UTP20: variants seen among roughly 807,000 people sequenced by gnomAD.
The protein encoded by UTP20 is small subunit processome component 20 homolog.
Under a neutral mutation model 329.5 loss-of-function variants are expected in UTP20, and 164 were observed. That is an observed-to-expected ratio of 0.50 (90% CI 0.44 to 0.57). The LOEUF (loss-of-function observed/expected upper bound fraction) is 0.57. Among genes scored for constraint, UTP20 ranks in the 20% least tolerant of loss-of-function variants. UTP20 has a pLI of 0.00. For synonymous variants in UTP20, 1,151 were observed against 1,159.3 expected, an observed-to-expected ratio of 0.99 and a Z score of 0.14; for missense variants, 3,055 against 3,284.2, an observed-to-expected ratio of 0.93 and a Z score of 1.71.
chr12:101,362,394 C>T (rs936485820), intron 44 of UTP20, among the ~76,000 whole-genome samples: 4 of 152,210 alleles, frequency 2.6e-5, no homozygotes, highest in East Asian at 3.9e-4. Flanking sequence ...ATAATACAGT[C>T]GGAAATTAAT....
chr12:101,371,466 G>A (rs1049970549), intron 51 of UTP20, among the ~76,000 whole-genome samples: 19 of 151,896 alleles, frequency 1.3e-4, no homozygotes, highest in Non-Finnish European at 2.5e-4. Context: ...GAATTGAGGG[G>A]TGGGGAGCCA....
chr12:101,362,521 T>C (rs1179660508), intron 44 of UTP20, among the ~76,000 whole-genome samples: 1 of 145,250 alleles, frequency 6.9e-6, no homozygotes, highest in African/African-American at 2.8e-5. Flanking sequence ...CTGGCCAACA[T>C]GGTGAAACCC....
At chr12:101,362,121 C>A in intron 44 of UTP20, 61 bp downstream of exon 44, 3 of 1,171,104 alleles carry the variant, frequency 2.6e-6, no homozygotes, top group South Asian at 2.6e-5. Context: ...ACAAAAAAAT[C>A]AATTCACCAA....
chr12:101,383,372 T>G (rs186575686), intron 59 of UTP20, 59 bp downstream of exon 59: 42 of 1,508,186 alleles, frequency 2.8e-5, no homozygotes, highest in Non-Finnish European at 3.2e-5. Flanking sequence ...AGTATTTTAA[T>G]GATATTAGTG....
intron 29 of UTP20, 23 bp downstream of exon 29, chr12:101,334,527 C>A: frequency 6.3e-7 from 1 of 1,592,848 alleles, no homozygotes. Context: ...TTTTTTCCTT[C>A]TTTAAAAAGG....
At chr12:101,339,696 C>A (rs1429352651) in intron 31 of UTP20, among the ~76,000 whole-genome samples, 3 of 152,074 alleles carry the variant, frequency 2.0e-5, no homozygotes, top group Non-Finnish European at 4.4e-5. Context: ...GTTAAAGAGT[C>A]TGTTTGGCAG....
chr12:101,290,729 A>G lies in UTP20; in HGVS notation c.736-4A>G. On this transcript the variant is annotated splice_polypyrimidine_tract_variant and splice_region_variant and intron_variant, in intron 7 of 61. Coordinates refer to ENST00000261637, the MANE Select transcript of UTP20 (RefSeq NM_014503.3). ...ATTAATGTTAATGACTTGTATTCCCACAGGCAGTGAAGCTAATTTTGCGAA... is the reference window on the plus strand; with the variant it reads ...ATTAATGTTAATGACTTGTATTCCCGCAGGCAGTGAAGCTAATTTTGCGAA... The G allele has an allele frequency of 6.2e-7, 1 of 1,604,304 alleles. No individual in the cohort carries two copies. Among genetic ancestry groups the G allele is most frequent in the Non-Finnish European group, 8.5e-7 (1 of 1,177,272 alleles).
chr12:101,304,364 A>G (rs138667347), intron 15 of UTP20, among the ~76,000 whole-genome samples: 86 of 152,324 alleles, frequency 5.6e-4, no homozygotes, highest in African/African-American at 1.9e-3. Flanking sequence ...TAGAAATCTC[A>G]CCTTGTAGAG....
At chr12:101,370,657 A>G in intron 50 of UTP20, 94 bp downstream of exon 50, 1 of 1,309,508 alleles carries the variant, frequency 7.6e-7, no homozygotes, top group South Asian at 1.6e-5. Flanking sequence ...CTAGTCATAG[A>G]CTTCTGAAAT....
intron 46 of UTP20, among the ~76,000 whole-genome samples, chr12:101,366,297 G>T (rs907072814): frequency 2.0e-5 from 3 of 152,100 alleles, no homozygotes; most frequent in Non-Finnish European, 4.4e-5. Context: ...AGAGAGACTC[G>T]TTGGCATTTA....
chr12:101,369,075 A>G (rs773985627), intron 48 of UTP20, among the ~76,000 whole-genome samples: 9 of 152,310 alleles, frequency 5.9e-5, no homozygotes, highest in South Asian at 2.1e-4. Flanking sequence ...ATGATAGTCA[A>G]TTGTTCCCGT....
Position 101,352,829 on chromosome 12 carries a change from A to T in UTP20, c.5025-218A>T, listed in dbSNP as rs192625623. Among the ~76,000 whole-genome samples, 1,192 of 151,994 alleles carry T rather than the reference A, an allele frequency of 7.8e-3. 6 individuals are homozygous for T. Among genetic ancestry groups the T allele is most frequent in the Non-Finnish European group, 0.01 (686 of 67,982 alleles). ...AGTATAATAATAAATAAATAAATTT[A>T]AAAAAAAGTAATTTAAAAAATATTT... On this transcript the variant is annotated intron_variant, in intron 39 of 61. Coordinates refer to ENST00000261637, the MANE Select transcript of UTP20 (RefSeq NM_014503.3).
intron 51 of UTP20, among the ~76,000 whole-genome samples, chr12:101,371,444 A>G (rs1156732996): frequency 6.6e-6 from 1 of 151,756 alleles, no homozygotes; most frequent in Non-Finnish European, 1.5e-5. Flanking sequence ...GAGGAGCTCA[A>G]CACAGGTAAG....
intron 35 of UTP20, among the ~76,000 whole-genome samples, chr12:101,343,726 A>G (rs1593440993): frequency 6.6e-6 from 1 of 152,092 alleles, no homozygotes; most frequent in Non-Finnish European, 1.5e-5. Context: ...TGGCCAGGCT[A>G]GTCTCGAACT....
At chr12:101,381,264 G>A in intron 58 of UTP20, 53 bp downstream of exon 58, 1 of 1,491,908 alleles carries the variant, frequency 6.7e-7, no homozygotes, top group Non-Finnish European at 9.3e-7. Context: ...GGGCATGGTG[G>A]CTCGCGCCTG....
At position 101,338,239 on chromosome 12, in the gene UTP20, CTG is replaced by C. The variant is rs1386407919; in HGVS notation, c.3831_3832del (p.Gly1278MetfsTer12). Reference sequence around the variant, plus strand: ...GAAACAGTTTTGAACTTGCTGGTAACTGGATGTGTATACCCTGGCATAGCAGA... The same window carrying C: ...GAAACAGTTTTGAACTTGCTGGTAACGATGTGTATACCCTGGCATAGCAGA... On this transcript the variant is annotated frameshift_variant, in exon 30 of 62. Transcript: ENST00000261637. LOFTEE classifies it high-confidence loss of function. The C allele has an allele frequency of 6.2e-7, 1 of 1,614,120 alleles. No homozygotes were observed. The highest frequency in any genetic ancestry group is 8.5e-7 in the Non-Finnish European group (1 of 1,180,010).
intron 18 of UTP20, among the ~76,000 whole-genome samples, 169 bp downstream of exon 18, chr12:101,308,512 A>T (rs1208480453): frequency 6.6e-6 from 1 of 152,046 alleles, no homozygotes; most frequent in Non-Finnish European, 1.5e-5. Flanking sequence ...CAGCTCTACC[A>T]GCTTTTTTAA....
intron 30 of UTP20, 139 bp from the exon 31 acceptor site, chr12:101,338,667 TATTTAGA>T (rs1869018040): frequency 1.3e-5 from 9 of 708,178 alleles, no homozygotes; most frequent in South Asian, 3.2e-5. Context: ...GAAAGTTGTT[TATTTAGA>T]ATTTAGAATT....
chr12:101,280,147 C>G lies in UTP20; in HGVS notation c.-136C>G, dbSNP rs1285668076. The G allele has an allele frequency of 1.7e-6, 2 of 1,187,978 alleles. No homozygotes were observed. Among genetic ancestry groups the G allele is most frequent in the African/African-American group, 3.1e-5 (2 of 64,104 alleles). The allele number at this position is 1,187,978 out of a possible 1,614,324, so 73.6% of individuals were successfully genotyped here. A position where few individuals can be genotyped will look rare whatever the true frequency, so the allele number is the denominator to read the frequency against. ...TCTCCAACATGGCGGCGCCCAGGGG[C>G]TCAAGCCGCACGTGAGAAAGTCTGG... On this transcript the variant is annotated 5_prime_UTR_variant, in exon 1 of 62. Coordinates refer to ENST00000261637, the MANE Select transcript of UTP20 (RefSeq NM_014503.3).
Sources: allele counts gnomAD v4.1 joint callset (sites outside exome capture counted in the v4.1 genomes callset), GRCh38; gene constraint gnomAD v4.1.1; transcripts MANE v1.5; gene names NCBI Gene and HGNC (gene_info 2026-07-23, HGNC 2026-07-21).